Variants in SPOCK3 observed in about 807,000 individuals in gnomAD.
SPOCK3 encodes testican-3.
SPOCK3 carries 30 observed loss-of-function variants against 56.6 expected under a neutral mutation model. That is an observed-to-expected ratio of 0.53 (90% CI 0.40 to 0.72). SPOCK3 has a LOEUF of 0.72. Ranked by LOEUF, SPOCK3 falls within the 30% of genes least tolerant of loss-of-function variation. SPOCK3 has a pLI of 0.00. For missense variants in SPOCK3, 527 were observed against 530.0 expected (o/e 0.99, Z 0.06); for synonymous variants, 196 against 183.3 (o/e 1.07, Z -0.56).
chr4:166,737,420 T>C, intron 10 of SPOCK3, 47 bp downstream of exon 10: 1 of 1,574,936 alleles, frequency 6.3e-7, no homozygotes, highest in Non-Finnish European at 8.6e-7. Flanking sequence ...CTAAAGCACT[T>C]AATTCTGTGC....
intron 2 of SPOCK3, among the ~76,000 whole-genome samples, chr4:167,161,224 G>T (rs1252443538): frequency 6.6e-6 from 1 of 152,150 alleles, no homozygotes; most frequent in South Asian, 2.1e-4. Flanking sequence ...TAACAAGTGG[G>T]CGAAGGATAT....
At chr4:167,000,711 A>T (rs1213564447) in intron 3 of SPOCK3, among the ~76,000 whole-genome samples, 1 of 152,224 alleles carries the variant, frequency 6.6e-6, no homozygotes, top group African/African-American at 2.4e-5. Flanking sequence ...ACAATGTGTT[A>T]TCAAAATAGA....
chr4:167,199,628 G>A (rs1375993369), intron 2 of SPOCK3, among the ~76,000 whole-genome samples: 1 of 150,482 alleles, frequency 6.6e-6, no homozygotes, highest in Non-Finnish European at 1.5e-5. Context: ...ATAGCCCCCA[G>A]GAAAACTCTT....
intron 6 of SPOCK3, among the ~76,000 whole-genome samples, chr4:166,798,565 C>T (rs1415930092): frequency 6.6e-6 from 1 of 152,042 alleles, no homozygotes; most frequent in Non-Finnish European, 1.5e-5. Flanking sequence ...TTGGAGGCAA[C>T]AAGACTAAGA....
At chr4:167,156,276 G>T (rs1232357159) in intron 2 of SPOCK3, among the ~76,000 whole-genome samples, 1 of 152,092 alleles carries the variant, frequency 6.6e-6, no homozygotes, top group Non-Finnish European at 1.5e-5. Context: ...TATAGTTAAT[G>T]GGAATAAGGG....
intron 2 of SPOCK3, among the ~76,000 whole-genome samples, chr4:167,199,585 T>C (rs1733312793): frequency 6.6e-6 from 1 of 151,824 alleles, no homozygotes; most frequent in Admixed American, 6.6e-5. Context: ...TACTCAGTTC[T>C]CTCGCCTTGT....
At chr4:166,989,701 T>C (rs946734165) in intron 4 of SPOCK3, among the ~76,000 whole-genome samples, 3 of 152,316 alleles carry the variant, frequency 2.0e-5, no homozygotes, top group South Asian at 2.1e-4. Context: ...CTCTATTATT[T>C]TTCCACCATC....
At chr4:166,856,993 C>G (rs1730756029) in intron 6 of SPOCK3, among the ~76,000 whole-genome samples, 1 of 152,074 alleles carries the variant, frequency 6.6e-6, no homozygotes, top group Non-Finnish European at 1.5e-5. Context: ...GCCTGGATTC[C>G]TACATCTGCT....
At chr4:167,003,875 C>G (rs985921717) in intron 3 of SPOCK3, among the ~76,000 whole-genome samples, 1 of 152,170 alleles carries the variant, frequency 6.6e-6, no homozygotes, top group African/African-American at 2.4e-5. Context: ...TCATTACATT[C>G]GCAGTGTAGG....
chr4:166,863,944 A>G (rs546860916), intron 6 of SPOCK3, among the ~76,000 whole-genome samples: 57 of 152,262 alleles, frequency 3.7e-4, no homozygotes, highest in African/African-American at 1.3e-3. Context: ...ACTAATAGAT[A>G]TCTACAGAAC....
chr4:167,094,279 CATT>C (rs1330767170), intron 2 of SPOCK3, among the ~76,000 whole-genome samples: 1 of 152,034 alleles, frequency 6.6e-6, no homozygotes, highest in Non-Finnish European at 1.5e-5. Flanking sequence ...AATATACACA[CATT>C]ATTTTCTTCC....
intron 2 of SPOCK3, among the ~76,000 whole-genome samples, chr4:167,158,991 T>G (rs570099530): frequency 6.6e-6 from 1 of 151,938 alleles, no homozygotes; most frequent in African/African-American, 2.4e-5. Context: ...AACAAAAATT[T>G]CAAAAGCAAA....
chr4:166,859,591 C>T (rs1159695532), intron 6 of SPOCK3, among the ~76,000 whole-genome samples: 1 of 152,144 alleles, frequency 6.6e-6, no homozygotes, highest in Non-Finnish European at 1.5e-5. Flanking sequence ...TAATCACACA[C>T]ATATGCCAGT....
chr4:167,164,892 A>G (rs1283387957), intron 2 of SPOCK3, among the ~76,000 whole-genome samples: 2 of 152,110 alleles, frequency 1.3e-5, no homozygotes, highest in African/African-American at 4.8e-5. Flanking sequence ...TAATGCTGCA[A>G]TAAACATAAG....
At chr4:166,911,726 C>T (rs989908060) in intron 5 of SPOCK3, among the ~76,000 whole-genome samples, 36 of 151,700 alleles carry the variant, frequency 2.4e-4, no homozygotes, top group African/African-American at 7.5e-4. Flanking sequence ...TTAGTAGAGA[C>T]GGGGTTTCAC....
At chr4:167,157,644 G>T (rs1764931320) in intron 2 of SPOCK3, among the ~76,000 whole-genome samples, 2 of 137,278 alleles carry the variant, frequency 1.5e-5, no homozygotes, top group Non-Finnish European at 3.1e-5. Flanking sequence ...ATAAATCATT[G>T]TTTAAAACTT....
chr4:166,790,910 C>T (rs1262868821), intron 7 of SPOCK3, among the ~76,000 whole-genome samples: 1 of 152,122 alleles, frequency 6.6e-6, no homozygotes, highest in Non-Finnish European at 1.5e-5. Context: ...ACCTTCTCCC[C>T]ACTCCAGACA....
chr4:166,908,193 C>T (rs2127081697), intron 5 of SPOCK3, among the ~76,000 whole-genome samples: 1 of 151,268 alleles, frequency 6.6e-6, no homozygotes, highest in South Asian at 2.1e-4. Context: ...ATTATAGTAG[C>T]ATGTTGAAAC....
intron 6 of SPOCK3, among the ~76,000 whole-genome samples, chr4:166,879,007 A>G (rs1188054468): frequency 2.0e-5 from 3 of 152,218 alleles, no homozygotes; most frequent in Non-Finnish European, 4.4e-5. Flanking sequence ...TAGCCCTTTT[A>G]CTTTAAAATG....
Sources: gnomAD v4.1 joint callset for allele counts (sites outside exome capture counted in the v4.1 genomes callset) on GRCh38, gnomAD v4.1.1 for gene constraint, MANE v1.5 for transcripts, NCBI Gene and HGNC (gene_info 2026-07-23, HGNC 2026-07-21) for gene names.